Variants in PLXNA4 observed in about 807,000 individuals in gnomAD.
The protein encoded by PLXNA4 is plexin A4.
Under a neutral mutation model 191.8 loss-of-function variants are expected in PLXNA4, and 44 were observed. The ratio of observed to expected loss-of-function variants is 0.23; its 90% CI spans 0.18 to 0.29. The LOEUF is 0.29. Among genes scored for constraint, PLXNA4 ranks in the 10% least tolerant of loss-of-function variants. PLXNA4 has a pLI of 1.00. For missense variants in PLXNA4, 1,800 were observed against 2,488.8 expected, an observed-to-expected ratio of 0.72 and a Z score of 5.89; for synonymous variants, 1,082 against 1,009.5, an observed-to-expected ratio of 1.07 and a Z score of -1.36.
chr7:132,185,160 T>C, intron 16 of PLXNA4, 139 bp downstream of exon 16: 1 of 1,293,242 alleles, frequency 7.7e-7, no homozygotes, highest in Non-Finnish European at 1.0e-6. Flanking sequence ...AAGGTCTGAT[T>C]TGGGGGTGTT....
intron 3 of PLXNA4, among the ~76,000 whole-genome samples, chr7:132,422,303 G>C (rs1004692713): frequency 6.6e-6 from 1 of 152,200 alleles, no homozygotes; most frequent in Non-Finnish European, 1.5e-5. Context: ...AGCAAGAGGG[G>C]AGAAGATGAA....
chr7:132,628,382 CTCTT>C (rs918500133), intron 2 of PLXNA4, among the ~76,000 whole-genome samples: 4 of 151,976 alleles, frequency 2.6e-5, no homozygotes, highest in Admixed American at 1.3e-4. Flanking sequence ...CTCTCTCTCT[CTCTT>C]TTTCTCTCAG....
At position 132,168,624 on chromosome 7, in the gene PLXNA4, T is replaced by C. The variant is rs370829671; in HGVS notation, c.4018-52A>G. 48 of 1,524,972 alleles carry C rather than the reference T, an allele frequency of 3.1e-5. No individual in the cohort carries two copies. The African/African-American group carries it at 4.5e-4, about 14-fold the overall frequency. 94.5% of individuals were successfully genotyped at this position (1,524,972 alleles called of 1,614,324 possible). Reference sequence around the variant, plus strand: ...GCCATTGGCAGGTTGGGGAGCTCAGTGACCTCCCCACGGGATGGCTGTGCC... The same window carrying C: ...GCCATTGGCAGGTTGGGGAGCTCAGCGACCTCCCCACGGGATGGCTGTGCC... On this transcript the variant is annotated intron_variant, in intron 21 of 31. Transcript: ENST00000321063.
intron 2 of PLXNA4, among the ~76,000 whole-genome samples, chr7:132,500,315 T>C (rs1380492690): frequency 2.0e-5 from 3 of 152,116 alleles, no homozygotes; most frequent in Admixed American, 2.0e-4. Flanking sequence ...TGGTGGCGCA[T>C]GCCTGTAATC....
rs1240790693 is a variant in PLXNA4 at position 132,168,467 on chromosome 7, G to C, written c.4123C>G (p.Gln1375Glu). 1 of 1,614,048 alleles carries C rather than the reference G, an allele frequency of 6.2e-7. No individual in the cohort carries two copies. The highest frequency in any genetic ancestry group is 1.7e-5 in the Admixed American group (1 of 60,010). The change falls in exon 22 of 32, where the codon CAG (glutamine) becomes GAG (glutamate). Residue 1375 changes from glutamine to glutamate, a missense_variant. This residue lies in a region of PLXNA4 where 1,397 missense variants were observed against 1,880.4 expected (regional missense o/e 0.74). Transcript: ENST00000321063. The stretch of plus-strand genomic sequence containing the variant: ...CGGTCGCGCATGGAGAAGCTACGCT[G>C]GGACTCAAGCGTGCGGATGAAGGAC... ...LLSFIRTLES[Q>E]RSFSMRDRGN...
chr7:132,237,302 T>C (rs1404485756), intron 5 of PLXNA4, among the ~76,000 whole-genome samples: 1 of 152,216 alleles, frequency 6.6e-6, no homozygotes, highest in Non-Finnish European at 1.5e-5. Flanking sequence ...CAAGGACTCA[T>C]TATGCCTCAG....
intron 4 of PLXNA4, among the ~76,000 whole-genome samples, chr7:132,284,621 C>T (rs1409305298): frequency 6.6e-6 from 1 of 152,140 alleles, no homozygotes; most frequent in African/African-American, 2.4e-5. Flanking sequence ...AACCTGTGGA[C>T]TCAGACTATG....
chr7:132,249,310 T>A (rs1785249659), intron 4 of PLXNA4, among the ~76,000 whole-genome samples: 2 of 152,224 alleles, frequency 1.3e-5, no homozygotes, highest in African/African-American at 4.8e-5. Flanking sequence ...TAGCAGATGT[T>A]GTGGAGGGCT....
At chr7:132,509,139 G>T (rs555523289) in intron 1 of PLXNA4, among the ~76,000 whole-genome samples, 10 of 135,328 alleles carry the variant, frequency 7.4e-5, no homozygotes, top group South Asian at 2.7e-4. Context: ...GGCAGCATCC[G>T]CAAAGACTGG....
chr7:132,553,749 G>A (rs1800667944), intron 1 of PLXNA4, among the ~76,000 whole-genome samples: 1 of 152,176 alleles, frequency 6.6e-6, no homozygotes, highest in South Asian at 2.1e-4. Context: ...AGAAGAGAGT[G>A]GAGAGGGTGC....
chr7:132,505,537 T>A (rs1585238870), intron 2 of PLXNA4, among the ~76,000 whole-genome samples: 1 of 152,214 alleles, frequency 6.6e-6, no homozygotes, highest in East Asian at 1.9e-4. Flanking sequence ...GGCCTGCATA[T>A]GTGTGCATGC....
At chr7:132,367,288 C>T (rs1804225448) in intron 3 of PLXNA4, among the ~76,000 whole-genome samples, 1 of 152,140 alleles carries the variant, frequency 6.6e-6, no homozygotes, top group Admixed American at 6.5e-5. Context: ...AGATCCAGAG[C>T]CTGCTAAGGA....
At chr7:132,166,249 C>T (rs1014252483) in intron 22 of PLXNA4, among the ~76,000 whole-genome samples, 10 of 151,020 alleles carry the variant, frequency 6.6e-5, no homozygotes, top group African/African-American at 2.4e-4. Flanking sequence ...CAAAAGATTC[C>T]ACATCCTTTG....
chr7:132,495,103 C>T (rs150444600), intron 2 of PLXNA4, among the ~76,000 whole-genome samples: 4 of 152,324 alleles, frequency 2.6e-5, no homozygotes, highest in Non-Finnish European at 5.9e-5. Context: ...GGTGATGAGG[C>T]GGGGTGGGCC....
chr7:132,309,522 C>T (rs965974380), intron 3 of PLXNA4, among the ~76,000 whole-genome samples: 2 of 152,148 alleles, frequency 1.3e-5, no homozygotes, highest in South Asian at 2.1e-4. Context: ...GGGGAGGCTA[C>T]CTCCTCTCCT....
At chr7:132,454,549 C>G (rs546232263) in intron 3 of PLXNA4, among the ~76,000 whole-genome samples, 2 of 152,108 alleles carry the variant, frequency 1.3e-5, no homozygotes, top group East Asian at 3.9e-4. Flanking sequence ...GTGCGCCCCC[C>G]CAACCATGTC....
chr7:132,435,247 C>T (rs948038669), intron 3 of PLXNA4, among the ~76,000 whole-genome samples: 2 of 152,014 alleles, frequency 1.3e-5, no homozygotes, highest in African/African-American at 4.8e-5. Context: ...CTACTGAACA[C>T]GTACCCATAG....
chr7:132,469,997 C>G (rs1353269730), intron 3 of PLXNA4, among the ~76,000 whole-genome samples: 2 of 152,210 alleles, frequency 1.3e-5, no homozygotes, highest in East Asian at 1.9e-4. Context: ...AGTGGCAGAT[C>G]TTCTCATTGG....
intron 1 of PLXNA4, among the ~76,000 whole-genome samples, chr7:132,562,609 T>TCC: frequency 8.4e-6 from 1 of 118,456 alleles, no homozygotes; most frequent in Non-Finnish European, 1.7e-5. Context: ...CTCCTCCTCC[T>TCC]TCTCCTCCTC....
Sources: gnomAD v4.1 joint callset for allele counts (sites outside exome capture counted in the v4.1 genomes callset) on GRCh38, gnomAD v4.1.1 for gene constraint, gnomAD v4.1.1 regional missense constraint, MANE v1.5 for transcripts, NCBI Gene and HGNC (gene_info 2026-07-23, HGNC 2026-07-21) for gene names.